The following RBFOX1 variants were observed in gnomAD, a reference collection of about 807,000 sequenced individuals.
The protein encoded by RBFOX1 is RNA binding protein fox-1 homolog 1.
RBFOX1 carries 8 observed loss-of-function variants against 57.7 expected under a neutral mutation model. That is an observed-to-expected ratio of 0.14 (90% confidence interval 0.08 to 0.25). The LOEUF (loss-of-function observed/expected upper bound fraction) is 0.25, where lower values mean the gene tolerates loss of function less well. RBFOX1 is among the 10% of genes least tolerant of loss of function. The pLI, the probability that RBFOX1 is intolerant of heterozygous loss-of-function variation, is 1.00. For synonymous variants in RBFOX1, 326 were observed against 222.4 expected (o/e 1.47, Z -4.15); for missense variants, 611 against 548.5 (o/e 1.11, Z -1.14).
At chr16:7,560,460 T>G (rs769937495) in intron 5 of RBFOX1, among the ~76,000 whole-genome samples, 1 of 151,638 alleles carries the variant, frequency 6.6e-6, no homozygotes. Flanking sequence ...TGACTAAAAG[T>G]CTTGTTGCTG....
At chr16:6,715,242 G>C (rs1468780449) in intron 3 of RBFOX1, among the ~76,000 whole-genome samples, 2 of 147,708 alleles carry the variant, frequency 1.4e-5, no homozygotes, top group Admixed American at 6.8e-5. Context: ...CTTTCCCTGA[G>C]GCAATGCAGG....
chr16:6,698,587 G>T (rs1399053791), intron 3 of RBFOX1, among the ~76,000 whole-genome samples: 1 of 152,148 alleles, frequency 6.6e-6, no homozygotes, highest in Non-Finnish European at 1.5e-5. Flanking sequence ...GTATTTGCCA[G>T]AGCCCCACAG....
At chr16:5,744,878 G>A (rs1479500372) in intron 3 of RBFOX1, among the ~76,000 whole-genome samples, 14 of 152,018 alleles carry the variant, frequency 9.2e-5, no homozygotes, top group Non-Finnish European at 5.9e-5. Context: ...CTGCCTCACC[G>A]CTCTCTCTCC....
At chr16:5,829,455 C>G (rs2056188669) in intron 3 of RBFOX1, among the ~76,000 whole-genome samples, 1 of 152,016 alleles carries the variant, frequency 6.6e-6, no homozygotes, top group African/African-American at 2.4e-5. Context: ...TGGCATGGAC[C>G]AGGGTGGTGG....
chr16:7,247,494 A>G (rs1268692512), intron 4 of RBFOX1, among the ~76,000 whole-genome samples: 2 of 152,202 alleles, frequency 1.3e-5, no homozygotes, highest in South Asian at 4.1e-4. Context: ...AATGTTAGCT[A>G]AAGTTGAGAA....
intron 2 of RBFOX1, among the ~76,000 whole-genome samples, chr16:6,540,366 C>A (rs1043354908): frequency 2.0e-5 from 3 of 151,584 alleles, no homozygotes; most frequent in African/African-American, 2.4e-5. Flanking sequence ...GTAATCCCAG[C>A]ACTTTGGGAG....
chr16:5,928,000 A>G (rs1362512438), intron 4 of RBFOX1, among the ~76,000 whole-genome samples: 1 of 152,232 alleles, frequency 6.6e-6, no homozygotes, highest in East Asian at 1.9e-4. Flanking sequence ...GACAAGAGGA[A>G]TGTGTTTTAG....
chr16:7,259,846 A>G (rs1208050310), intron 4 of RBFOX1, among the ~76,000 whole-genome samples: 1 of 152,174 alleles, frequency 6.6e-6, no homozygotes, highest in African/African-American at 2.4e-5. Context: ...TGTAATAAGA[A>G]TCTAGTATAC....
At chr16:5,669,691 T>G (rs1241133570) in intron 3 of RBFOX1, among the ~76,000 whole-genome samples, 4 of 152,152 alleles carry the variant, frequency 2.6e-5, no homozygotes, top group Admixed American at 2.0e-4. Context: ...GTGGTGAGAT[T>G]ACAGGCGTGA....
At chr16:6,179,985 T>G (rs182890686) in intron 1 of RBFOX1, among the ~76,000 whole-genome samples, 1 of 152,208 alleles carries the variant, frequency 6.6e-6, no homozygotes, top group Non-Finnish European at 1.5e-5. Context: ...GAGATGATCA[T>G]ATGGTGTATG....
chr16:6,150,077 G>C (rs762935709), intron 1 of RBFOX1, among the ~76,000 whole-genome samples: 3 of 152,174 alleles, frequency 2.0e-5, no homozygotes, highest in Non-Finnish European at 4.4e-5. Context: ...GCAAGGTGTT[G>C]GAATGGTAGA....
chr16:6,567,757 C>G (rs573822331), intron 2 of RBFOX1, among the ~76,000 whole-genome samples: 2 of 152,200 alleles, frequency 1.3e-5, no homozygotes, highest in African/African-American at 4.8e-5. Flanking sequence ...TTGAGTTGGT[C>G]CATACAAAGC....
chr16:7,498,527 G>C (rs764020434), intron 4 of RBFOX1, among the ~76,000 whole-genome samples: 4 of 152,040 alleles, frequency 2.6e-5, no homozygotes, highest in African/African-American at 7.2e-5. Context: ...TATTCAAGCA[G>C]ATATATCCCA....
chr16:7,513,886 C>G (rs1567607554), intron 4 of RBFOX1, among the ~76,000 whole-genome samples: 1 of 152,154 alleles, frequency 6.6e-6, no homozygotes, highest in African/African-American at 2.4e-5. Flanking sequence ...AGTAAATTCC[C>G]CAAAAGATTC....
intron 5 of RBFOX1, among the ~76,000 whole-genome samples, chr16:7,529,184 C>G (rs1256786252): frequency 2.0e-5 from 3 of 152,140 alleles, no homozygotes; most frequent in Non-Finnish European, 2.9e-5. Flanking sequence ...TTGCTTGAAC[C>G]TGGGAGGCGG....
intron 4 of RBFOX1, among the ~76,000 whole-genome samples, chr16:7,072,190 C>T (rs896160031): frequency 6.6e-6 from 1 of 152,136 alleles, no homozygotes; most frequent in African/African-American, 2.4e-5. Flanking sequence ...CTTCTTTCCC[C>T]AGAAAGTCCT....
At chr16:6,637,397 T>TTAAATATATATATAATATA (rs2098452210) in intron 2 of RBFOX1, among the ~76,000 whole-genome samples, 1 of 6,824 alleles carries the variant, frequency 1.5e-4, no homozygotes, top group Admixed American at 5.1e-3. Context: ...ATATTATATA[T>TTAAATATATATATAATATA]TAAATATATA....
chr16:7,052,054 T>C lies in RBFOX1; in HGVS notation c.-15-3T>C, dbSNP rs1214743455. 6.2e-7 allele frequency: 1 copy of C among 1,612,524 alleles called. No individual in the cohort carries two copies. Among genetic ancestry groups the C allele is most frequent in the African/African-American group, 1.3e-5 (1 of 74,872 alleles). Reference sequence around the variant, plus strand: ...TTTCCCCTTCATTTTCTTTTCTTTCTAGGTTTCAAGACAACAGATGAATTG... The same window carrying C: ...TTTCCCCTTCATTTTCTTTTCTTTCCAGGTTTCAAGACAACAGATGAATTG... On this transcript the variant is annotated splice_region_variant and splice_polypyrimidine_tract_variant and intron_variant, in intron 3 of 15. Transcript: ENST00000550418.
At position 7,209,529 on chromosome 16, in the gene RBFOX1, C is replaced by G. The variant is rs928962090; in HGVS notation, c.27+157431C>G. ...GCTTATTACATGGCTGGCTCTTGCC[C>G]TTCCTTCTGCTCTCAGTGCAAACAT... On this transcript the variant is annotated intron_variant, in intron 4 of 15. Coordinates refer to ENST00000550418, the MANE Select transcript of RBFOX1 (RefSeq NM_018723.4). Among the ~76,000 whole-genome samples the G allele has an allele frequency of 2.6e-5, 4 of 152,302 alleles. No individual in the cohort carries two copies. In the South Asian group the frequency reaches 6.2e-4, roughly 24 times the overall value.
Sources: gnomAD v4.1 joint callset for allele counts (sites outside exome capture counted in the v4.1 genomes callset) on GRCh38, gnomAD v4.1.1 for gene constraint, MANE v1.5 for transcripts, NCBI Gene and HGNC (gene_info 2026-07-23, HGNC 2026-07-21) for gene names.